The following SOX5 variants were observed in gnomAD, a reference collection of about 807,000 sequenced individuals.
The protein encoded by SOX5 is SRY-box transcription factor 5.
A neutral mutation model predicts 92.0 loss-of-function variants in SOX5; 9 were observed. The observed-to-expected ratio is 0.10, with a 90% CI of 0.06 to 0.17. SOX5 has a LOEUF of 0.17. SOX5 is among the 10% of genes least tolerant of loss of function. The pLI is 1.00. For missense variants in SOX5, 642 were observed against 944.5 expected (o/e 0.68, Z 4.20); for synonymous variants, 344 against 336.3 (o/e 1.02, Z -0.25).
intron 2 of SOX5, among the ~76,000 whole-genome samples, chr12:24,297,181 A>G (rs1431638096): frequency 1.3e-5 from 2 of 152,188 alleles, no homozygotes; most frequent in African/African-American, 2.4e-5. Context: ...TGTAGATCCA[A>G]CCTGTAATTC....
chr12:23,998,010 T>G (rs983681353), intron 4 of SOX5, among the ~76,000 whole-genome samples: 7 of 152,046 alleles, frequency 4.6e-5, no homozygotes, highest in Non-Finnish European at 8.8e-5. Context: ...TATTATCAAA[T>G]TGTACAGTTT....
intron 1 of SOX5, among the ~76,000 whole-genome samples, chr12:24,462,458 G>T (rs1170826295): frequency 6.6e-6 from 1 of 152,158 alleles, no homozygotes; most frequent in African/African-American, 2.4e-5. Flanking sequence ...ATATTGAAAA[G>T]ATTTATTGTT....
intron 1 of SOX5, among the ~76,000 whole-genome samples, chr12:24,482,437 C>A (rs550236480): frequency 7.8e-4 from 118 of 152,256 alleles, no homozygotes; most frequent in Non-Finnish European, 1.4e-3. Context: ...CTCAGCATTA[C>A]CAGAAATGGC....
chr12:23,715,827 A>AACC (rs1555285802), intron 6 of SOX5, among the ~76,000 whole-genome samples: 2,152 of 151,434 alleles, frequency 0.014, 57 homozygotes, highest in African/African-American at 0.049. Flanking sequence ...AAAAAAAAAA[A>AACC]AAAAAACTTG....
chr12:23,842,298 G>T (rs1405057872), intron 3 of SOX5, among the ~76,000 whole-genome samples: 2 of 151,950 alleles, frequency 1.3e-5, no homozygotes, highest in Non-Finnish European at 2.9e-5. Flanking sequence ...CTGTTGGGGT[G>T]GAAATGTACA....
intron 4 of SOX5, among the ~76,000 whole-genome samples, chr12:24,092,967 T>C (rs1432734570): frequency 6.6e-6 from 1 of 152,158 alleles, no homozygotes; most frequent in Non-Finnish European, 1.5e-5. Flanking sequence ...TGAGACCACA[T>C]GGTGAGCGGC....
At chr12:23,605,420 AATT>A (rs1170417840) in intron 8 of SOX5, among the ~76,000 whole-genome samples, 3 of 148,374 alleles carry the variant, frequency 2.0e-5, no homozygotes, top group Admixed American at 7.0e-5. Context: ...GTAAGAAAAT[AATT>A]ATTAAATAAA....
At chr12:24,237,081 C>T (rs924129198) in intron 3 of SOX5, among the ~76,000 whole-genome samples, 3 of 152,134 alleles carry the variant, frequency 2.0e-5, no homozygotes, top group African/African-American at 7.2e-5. Flanking sequence ...TTTGATGTAA[C>T]GACTCCAGAA....
chr12:24,220,613 T>C (rs921530762), intron 3 of SOX5, among the ~76,000 whole-genome samples: 3 of 152,192 alleles, frequency 2.0e-5, no homozygotes, highest in Non-Finnish European at 4.4e-5. Flanking sequence ...AGGTTCTAAG[T>C]TGGCACCTAG....
intron 4 of SOX5, among the ~76,000 whole-genome samples, chr12:23,968,132 T>C (rs1947804464): frequency 6.6e-6 from 1 of 152,226 alleles, no homozygotes; most frequent in South Asian, 2.1e-4. Context: ...CTAGTGTTCC[T>C]AGTAGTTTCT....
In SOX5 at chr12:23,604,433, C is replaced by G. The variant is rs1253562639; in HGVS notation, c.1118G>C (p.Ser373Thr). 1.2e-6 allele frequency: 2 copies of G among 1,613,654 alleles called. No individual in the cohort carries two copies. The highest frequency in any genetic ancestry group is 2.2e-5 in the South Asian group (2 of 91,076). Residue 373 changes from serine (S) to threonine (T), a missense_variant, in exon 9 of 15, where the codon AGC becomes ACC. By Grantham distance (58) the Ser-to-Thr change is moderately conservative. Coordinates refer to ENST00000451604, the MANE Select transcript of SOX5 (RefSeq NM_006940.6). ...GTTTGTGCTCTTGTCTGTGTGAATG[C>G]TGGTAGGAGATACAGCAGCACCAAG... Reference protein sequence around the residue: ...GNLGAAVSPTSIHTDKSTNSP... With the variant: ...GNLGAAVSPTTIHTDKSTNSP...
At chr12:23,577,160 C>A (rs1465982975) in intron 9 of SOX5, among the ~76,000 whole-genome samples, 1 of 90,450 alleles carries the variant, frequency 1.1e-5, no homozygotes, top group African/African-American at 3.7e-5. Context: ...TACACACACA[C>A]ACACACACAC....
chr12:23,896,897 A>G (rs1342610869), intron 1 of SOX5, among the ~76,000 whole-genome samples: 1 of 152,122 alleles, frequency 6.6e-6, no homozygotes, highest in Non-Finnish European at 1.5e-5. Context: ...ATGAGCTTAG[A>G]TAATTGAACA....
chr12:24,009,105 T>C (rs1164221531), intron 4 of SOX5, among the ~76,000 whole-genome samples: 4 of 152,180 alleles, frequency 2.6e-5, no homozygotes, highest in Non-Finnish European at 5.9e-5. Flanking sequence ...ATGTCAGCCA[T>C]ATAAGCGAAG....
intron 7 of SOX5, among the ~76,000 whole-genome samples, chr12:23,642,341 T>A (rs891534125): frequency 1.3e-5 from 2 of 152,192 alleles, no homozygotes; most frequent in African/African-American, 4.8e-5. Flanking sequence ...GTATAATATA[T>A]AATGGCAGTT....
intron 1 of SOX5, among the ~76,000 whole-genome samples, chr12:24,472,282 T>A (rs543326035): frequency 6.6e-6 from 1 of 152,058 alleles, no homozygotes; most frequent in African/African-American, 2.4e-5. Context: ...CTCAGAAAGG[T>A]TAAAGGGAAT....
intron 2 of SOX5, among the ~76,000 whole-genome samples, chr12:24,302,219 T>C (rs1339183090): frequency 6.6e-6 from 1 of 152,226 alleles, no homozygotes; most frequent in East Asian, 1.9e-4. Flanking sequence ...GTCCTTTCTC[T>C]GTTTCTCTCA....
intron 10 of SOX5, among the ~76,000 whole-genome samples, chr12:23,571,070 A>C (rs1401049444): frequency 1.4e-5 from 2 of 145,994 alleles, no homozygotes; most frequent in Non-Finnish European, 3.0e-5. Flanking sequence ...TGAGTCCAGG[A>C]GGTGGAGGTT....
rs537480352 is a variant in SOX5 at position 24,217,154 on chromosome 12, T to C, written c.-76-3737A>G. Among the ~76,000 whole-genome samples the C allele has an allele frequency of 5.3e-5, 8 of 152,338 alleles. No homozygotes were observed. The South Asian group carries it at 1.7e-3, about 32-fold the overall frequency. ...ACTTTTTGTGAGATAGCTAAGTTGTTCTAGTGAACTATCAAACCTTAAAGG... is the reference window on the plus strand; with the variant it reads ...ACTTTTTGTGAGATAGCTAAGTTGTCCTAGTGAACTATCAAACCTTAAAGG... On this transcript the variant is annotated intron_variant, in intron 3 of 4. Coordinates refer to the SOX5 transcript ENST00000446891.
Sources: allele counts gnomAD v4.1 joint callset (sites outside exome capture counted in the v4.1 genomes callset), GRCh38; gene constraint gnomAD v4.1.1; transcripts MANE v1.5; gene names NCBI Gene and HGNC (gene_info 2026-07-23, HGNC 2026-07-21).